The following ABCB1 variants were observed in gnomAD, a reference collection of about 807,000 sequenced individuals.
The protein encoded by ABCB1 is ATP-dependent translocase ABCB1.
In ABCB1, 69 loss-of-function variants were observed where a neutral mutation model predicts 142.0. That is an observed-to-expected ratio of 0.49 (90% CI 0.40 to 0.59). ABCB1 has a LOEUF of 0.59. ABCB1 is among the 20% of genes least tolerant of loss of function. The probability of loss-of-function intolerance (pLI) is 0.00; values close to 1 mark genes in which losing one functional copy is unlikely to be tolerated. For synonymous variants in ABCB1, 532 were observed against 539.2 expected, an observed-to-expected ratio of 0.99 and a Z score of 0.18; for missense variants, 1,326 against 1,554.7, an observed-to-expected ratio of 0.85 and a Z score of 2.47.
chr7:87,563,523 T>C (rs1371702466), intron 7 of ABCB1: 2 of 273,862 alleles, frequency 7.3e-6, no homozygotes, highest in Non-Finnish European at 1.5e-5. Flanking sequence ...TGTAAATCAA[T>C]AAATGTGATT....
intron 1 of ABCB1, among the ~76,000 whole-genome samples, chr7:87,683,031 T>C (rs1827082109): frequency 6.6e-6 from 1 of 152,238 alleles, no homozygotes; most frequent in African/African-American, 2.4e-5. Context: ...CCATCAGCAC[T>C]TGCTGCTTCA....
intron 20 of ABCB1, among the ~76,000 whole-genome samples, chr7:87,536,081 C>G (rs1045371405): frequency 6.6e-6 from 1 of 152,046 alleles, no homozygotes; most frequent in Non-Finnish European, 1.5e-5. Context: ...GATTGTCTTC[C>G]CTCCCTTCTG....
intron 1 of ABCB1, among the ~76,000 whole-genome samples, chr7:87,617,725 C>T (rs930950630): frequency 1.3e-5 from 2 of 152,170 alleles, no homozygotes; most frequent in Non-Finnish European, 2.9e-5. Context: ...CCACCATTCT[C>T]CACATGGCAG....
In ABCB1 at chr7:87,626,023, T is replaced by TATAG. The variant is rs1378522030; in HGVS notation, c.-330-24946_-330-24945insCTAT. Among the ~76,000 whole-genome samples, 821 of 114,494 alleles carry TATAG rather than the reference T, an allele frequency of 7.2e-3. 9 individuals carry two copies. Among genetic ancestry groups the TATAG allele is most frequent in the African/African-American group, 0.029 (772 of 26,394 alleles). 75.1% of individuals were successfully genotyped at this position (114,494 alleles called of 152,430 possible). On this transcript the variant is annotated intron_variant, in intron 1 of 28. Coordinates refer to the ABCB1 transcript ENST00000265724. ...ATGTATATGTACATATATATATATA[T>TATAG]AGAGAGAGAGAGAGAGAGAGAGATG...
intron 23 of ABCB1, 64 bp from the exon 24 acceptor site, chr7:87,516,729 T>A (rs949992121): frequency 1.9e-4 from 173 of 925,156 alleles, no homozygotes; most frequent in Non-Finnish European, 2.5e-4. Context: ...AAGCTGACAC[T>A]CCTTTTTTTT....
At chr7:87,592,928 CTTT>C (rs35396007) in intron 3 of ABCB1, among the ~76,000 whole-genome samples, 10 of 138,068 alleles carry the variant, frequency 7.2e-5, no homozygotes, top group Admixed American at 1.5e-4. Flanking sequence ...AATATATAAT[CTTT>C]TTTTTTTTTT....
intron 20 of ABCB1, among the ~76,000 whole-genome samples, chr7:87,534,459 C>A (rs1243425397): frequency 6.6e-6 from 1 of 152,008 alleles, no homozygotes; most frequent in Non-Finnish European, 1.5e-5. Context: ...TTTAGTAAAC[C>A]AATTATAAAA....
intron 19 of ABCB1, 124 bp from the exon 20 acceptor site, chr7:87,536,665 A>C (rs1816309040): frequency 5.2e-6 from 4 of 769,508 alleles, no homozygotes; most frequent in Non-Finnish European, 9.2e-6. Flanking sequence ...TCAGGATGTG[A>C]CATTCAATAC....
At chr7:87,511,477 T>C (rs1815005928) in intron 25 of ABCB1, among the ~76,000 whole-genome samples, 1 of 152,244 alleles carries the variant, frequency 6.6e-6, no homozygotes, top group Admixed American at 6.5e-5. Flanking sequence ...TATTCTTCTA[T>C]GCATATTTAC....
chr7:87,651,906 G>C (rs969617418), intron 1 of ABCB1, among the ~76,000 whole-genome samples: 7 of 151,946 alleles, frequency 4.6e-5, no homozygotes, highest in African/African-American at 1.7e-4. Flanking sequence ...AATTGCTAAT[G>C]CTTTTTTCTG....
intron 1 of ABCB1, among the ~76,000 whole-genome samples, chr7:87,642,480 AG>A (rs1479615282): frequency 1.3e-5 from 2 of 152,110 alleles, no homozygotes; most frequent in African/African-American, 4.8e-5. Flanking sequence ...AAGTATATAA[AG>A]TGTTCTTTAT....
chr7:87,562,686 C>T (rs544945567), intron 7 of ABCB1, among the ~76,000 whole-genome samples: 48 of 150,592 alleles, frequency 3.2e-4, no homozygotes, highest in African/African-American at 1.1e-3. Flanking sequence ...TATGACCTTC[C>T]ATCATTATAA....
Position 87,576,560 on chromosome 7 carries a change from C to A in ABCB1, c.287-6337G>T, listed in dbSNP as rs947997375. Among the ~76,000 whole-genome samples the A allele has an allele frequency of 5.3e-5, 8 of 151,470 alleles. No individual in the cohort carries two copies. In the East Asian group the frequency reaches 5.8e-4, roughly 11 times the overall value. On this transcript the variant is annotated intron_variant, in intron 4 of 27. Coordinates refer to ENST00000622132, the MANE Select transcript of ABCB1 (RefSeq NM_001348946.2). ...GTAAAGCTCCAAGAACAAGACCCAG[C>A]AAATAGTAAATGTTCAATGAGGGTT...
At chr7:87,570,731 A>G (rs1166484921) in intron 4 of ABCB1, among the ~76,000 whole-genome samples, 1 of 152,236 alleles carries the variant, frequency 6.6e-6, no homozygotes, top group African/African-American at 2.4e-5. Flanking sequence ...AAAGTACATT[A>G]TAAAAGTATT....
chr7:87,529,394 T>A (rs1237673093), intron 21 of ABCB1, among the ~76,000 whole-genome samples: 1 of 152,206 alleles, frequency 6.6e-6, no homozygotes, highest in Admixed American at 6.5e-5. Flanking sequence ...TTATGTGGAC[T>A]GGTTGGTGCA....
At chr7:87,564,840 TAAAAC>T (rs1817722690) in intron 7 of ABCB1, among the ~76,000 whole-genome samples, 2 of 152,214 alleles carry the variant, frequency 1.3e-5, no homozygotes, top group Admixed American at 1.3e-4. Flanking sequence ...TTTTTAATCT[TAAAAC>T]AGACATCAAA....
Position 87,626,429 on chromosome 7 carries a change from G to GTGTCATATATGTGTCATATA in ABCB1, c.-330-25352_-330-25351insTATATGACACATATATGACA, listed in dbSNP as rs1563080724. On this transcript the variant is annotated intron_variant, in intron 1 of 28. Coordinates refer to the ABCB1 transcript ENST00000265724. ...TATGTGTCATATATATGTGTCATAT[G>GTGTCATATATGTGTCATATA]TATGTGTCATATATGTGTCATATAT... Among the ~76,000 whole-genome samples the GTGTCATATATGTGTCATATA allele has an allele frequency of 1.4e-4, 2 of 14,432 alleles. 1 individual carries two copies. The highest frequency in any genetic ancestry group is 0.05 in the East Asian group (2 of 40). The allele number at this position is 14,432 out of a possible 152,430, so 9.5% of individuals were successfully genotyped here.
At chr7:87,710,989 T>A (rs570222057) in intron 1 of ABCB1, among the ~76,000 whole-genome samples, 1 of 152,178 alleles carries the variant, frequency 6.6e-6, no homozygotes, top group Non-Finnish European at 1.5e-5. Flanking sequence ...CAATAGCATC[T>A]TTTTTCTTTT....
intron 18 of ABCB1, 23 bp downstream of exon 18, chr7:87,541,334 A>G: frequency 7.2e-7 from 1 of 1,381,202 alleles, no homozygotes; most frequent in Non-Finnish European, 1.0e-6. Context: ...CAAAATGAAT[A>G]TAGTGAAAAT....
Sources: allele counts gnomAD v4.1 joint callset (sites outside exome capture counted in the v4.1 genomes callset), GRCh38; gene constraint gnomAD v4.1.1; transcripts MANE v1.5; gene names NCBI Gene and HGNC (gene_info 2026-07-23, HGNC 2026-07-21).